The following CCDC175 variants were observed in gnomAD, a reference collection of about 807,000 sequenced individuals.
CCDC175 encodes coiled-coil domain containing 175, also known as coiled-coil domain-containing protein 175.
Under a neutral mutation model 114.6 loss-of-function variants are expected in CCDC175, and 100 were observed. The ratio of observed to expected loss-of-function variants is 0.87; its 90% CI spans 0.74 to 1.03. The LOEUF (loss-of-function observed/expected upper bound fraction) is 1.03. CCDC175 is among the 50% of genes least tolerant of loss of function. The pLI, the probability that CCDC175 is intolerant of heterozygous loss-of-function variation, is 0.00. For missense variants in CCDC175, 880 were observed against 917.8 expected (o/e 0.96, Z 0.53); for synonymous variants, 306 against 308.7 (o/e 0.99, Z 0.09).
chr14:59,530,652 A>C (rs1894015853), intron 14 of CCDC175, among the ~76,000 whole-genome samples: 2 of 152,160 alleles, frequency 1.3e-5, no homozygotes, highest in Non-Finnish European at 2.9e-5. Flanking sequence ...TATTATTATA[A>C]CATTCTTACA....
At position 59,565,094 on chromosome 14, in the gene CCDC175, T is replaced by C. The variant is rs1170511933; in HGVS notation, c.673A>G (p.Lys225Glu). 4.6e-6 allele frequency: 7 copies of C among 1,537,636 alleles called. No homozygotes were observed. Among genetic ancestry groups the C allele is most frequent in the Non-Finnish European group, 5.2e-6 (6 of 1,146,992 alleles). ...CTTATTAGATATTCTGCCCTTTCTT[T>C]TTCCATTAGCTCCTCTGCCTCTTGA... is the stretch of plus-strand genomic sequence containing the variant. ...CIQEAEELME[K>E]ERAEYLIRKQ... is the part of the protein sequence containing the mutation. The change falls in exon 5 of 20, where the codon AAA (lysine) becomes GAA (glutamate). Residue 225 changes from lysine to glutamate, a missense_variant. Physicochemically the swap from Lys to Glu is moderately conservative, Grantham distance 56. Coordinates refer to ENST00000537690, the MANE Select transcript of CCDC175 (RefSeq NM_001164399.2).
intron 16 of CCDC175, among the ~76,000 whole-genome samples, chr14:59,523,402 G>A (rs1440159841): frequency 6.6e-6 from 1 of 152,128 alleles, no homozygotes; most frequent in Non-Finnish European, 1.5e-5. Flanking sequence ...ACCCAGCGAG[G>A]TGAAGGATTT....
intron 7 of CCDC175, among the ~76,000 whole-genome samples, chr14:59,560,900 T>C (rs1218845690): frequency 1.3e-5 from 2 of 152,302 alleles, no homozygotes; most frequent in Non-Finnish European, 2.9e-5. Context: ...TTCCCCAAGC[T>C]GACAGCATCT....
At chr14:59,574,147 G>T (rs1235924966) in intron 2 of CCDC175, among the ~76,000 whole-genome samples, 1 of 152,144 alleles carries the variant, frequency 6.6e-6, no homozygotes, top group African/African-American at 2.4e-5. Context: ...TGATTATGTA[G>T]TATAGATATA....
intron 19 of CCDC175, chr14:59,510,398 A>C: frequency 2.8e-6 from 1 of 354,166 alleles, no homozygotes. Context: ...GTTTAAAATA[A>C]ACTTTTTAAA....
At chr14:59,536,328 C>T (rs1455942842) in intron 13 of CCDC175, among the ~76,000 whole-genome samples, 2 of 151,996 alleles carry the variant, frequency 1.3e-5, no homozygotes, top group African/African-American at 4.8e-5. Context: ...CTCTGACTAC[C>T]CCTATTTACA....
intron 17 of CCDC175, among the ~76,000 whole-genome samples, chr14:59,515,324 C>A (rs1237300521): frequency 1.3e-5 from 2 of 152,144 alleles, no homozygotes; most frequent in Non-Finnish European, 2.9e-5. Flanking sequence ...CAATATTAGC[C>A]TTAAATGTAA....
chr14:59,510,665 T>C lies in CCDC175; in HGVS notation c.2286A>G (p.Glu762=). Residue 762 remains glutamate (E), a synonymous_variant, in exon 19 of 20, where the codon GAA becomes GAG. Coordinates refer to ENST00000537690, the MANE Select transcript of CCDC175 (RefSeq NM_001164399.2). ...GCTTACTAAGAAGGTCCATTGGTGA[T>C]TCCTGTTCCACAAGCAAACGCAGCC... ...LEGLRLLVEQ[E]SPMDLLKKKK... The C allele has an allele frequency of 3.3e-6, 5 of 1,537,218 alleles. No homozygotes were observed. The highest frequency in any genetic ancestry group is 3.5e-6 in the Non-Finnish European group (4 of 1,146,854).
At chr14:59,532,010 G>A (rs771789919) in intron 13 of CCDC175, 100 bp from the exon 14 acceptor site, 5 of 630,444 alleles carry the variant, frequency 7.9e-6, no homozygotes, top group African/African-American at 3.7e-5. Flanking sequence ...AGTTTCATCT[G>A]TCTTGGTCTC....
chr14:59,568,376 A>G lies in CCDC175; in HGVS notation c.360T>C (p.Cys120=), dbSNP rs1229123169. The part of the protein sequence containing the change: ...PNSIKRELEE[C]VRDARRLNLF... ...GATTTAATCTGCGAGCGTCTCGGACACATTCTTCAAAGTAAGTGGAAATAT... is the reference window on the plus strand; with the variant it reads ...GATTTAATCTGCGAGCGTCTCGGACGCATTCTTCAAAGTAAGTGGAAATAT... Residue 120 remains cysteine (C), a synonymous_variant, in exon 4 of 20, where the codon TGT becomes TGC. Transcript: ENST00000537690. 2.0e-6 allele frequency: 3 copies of G among 1,509,434 alleles called. No homozygotes were observed. Among genetic ancestry groups the G allele is most frequent in the Non-Finnish European group, 2.6e-6 (3 of 1,137,894 alleles). 93.5% of individuals were successfully genotyped at this position (1,509,434 alleles called of 1,614,324 possible). A position where few individuals can be genotyped will look rare whatever the true frequency, so the allele number is the denominator to read the frequency against.
At chr14:59,518,311 A>G (rs1323499259) in intron 17 of CCDC175, among the ~76,000 whole-genome samples, 2 of 152,232 alleles carry the variant, frequency 1.3e-5, no homozygotes, top group Non-Finnish European at 2.9e-5. Flanking sequence ...AAAAGCCAAA[A>G]TTGACAAATG....
At chr14:59,556,964 C>A (rs1195235262) in intron 7 of CCDC175, among the ~76,000 whole-genome samples, 5 of 152,238 alleles carry the variant, frequency 3.3e-5, no homozygotes, top group African/African-American at 4.8e-5. Flanking sequence ...AGTCAGGAAA[C>A]AACAGGTGCT....
In CCDC175 at chr14:59,543,396, C is replaced by T. The variant is rs1696492972; in HGVS notation, c.1231G>A (p.Val411Ile). 1.3e-6 allele frequency: 2 copies of T among 1,483,348 alleles called. No individual in the cohort carries two copies. The highest frequency in any genetic ancestry group is 1.8e-6 in the Non-Finnish European group (2 of 1,114,386). The allele number at this position is 1,483,348 out of a possible 1,614,324, so 91.9% of individuals were successfully genotyped here. A position where few individuals can be genotyped will look rare whatever the true frequency, so the allele number is the denominator to read the frequency against. Residue 411 changes from valine to isoleucine, a missense_variant, in exon 10 of 20, where the codon GTA (valine) becomes ATA (isoleucine). By Grantham distance (29) the Val-to-Ile change is conservative. Coordinates refer to ENST00000537690, the MANE Select transcript of CCDC175 (RefSeq NM_001164399.2). ...CCTTCTTCCATATTTTTGATGTCTA[C>T]TCTCTTTTGTGACAGAAAGTATTCT... ...QKEYFLSQKR[V>I]DIKNMEEGLI...
intron 5 of CCDC175, 50 bp downstream of exon 5, chr14:59,564,997 T>C (rs1223975563): frequency 1.5e-6 from 2 of 1,304,010 alleles, no homozygotes; most frequent in Non-Finnish European, 1.0e-6. Context: ...CATTTCCTGC[T>C]CCAGATTCTA....
chr14:59,544,532 C>T (rs190329830), intron 9 of CCDC175, among the ~76,000 whole-genome samples: 2 of 152,234 alleles, frequency 1.3e-5, no homozygotes, highest in East Asian at 3.9e-4. Flanking sequence ...GTGCCTCCCC[C>T]ATCTCCAGAA....
At chr14:59,515,758 T>C (rs964870761) in intron 17 of CCDC175, among the ~76,000 whole-genome samples, 12 of 152,110 alleles carry the variant, frequency 7.9e-5, no homozygotes, top group Admixed American at 7.2e-4. Flanking sequence ...GACAGATCAA[T>C]GAGACAGAAA....
At chr14:59,561,069 A>G in intron 7 of CCDC175, 50 bp downstream of exon 7, 1 of 906,334 alleles carries the variant, frequency 1.1e-6, no homozygotes, top group Non-Finnish European at 1.7e-6. Context: ...ATATTATATC[A>G]TATTAACATA....
intron 19 of CCDC175, chr14:59,505,549 T>C (rs962094414): frequency 1.1e-4 from 33 of 301,076 alleles, no homozygotes; most frequent in Non-Finnish European, 1.6e-4. Context: ...AGCAGAAAAG[T>C]ATATATGCAA....
chr14:59,532,824 A>G (rs2140010219), intron 13 of CCDC175, among the ~76,000 whole-genome samples: 1 of 152,346 alleles, frequency 6.6e-6, no homozygotes, highest in African/African-American at 2.4e-5. Flanking sequence ...GGACTGGGAA[A>G]GAGAAACAAA....
Sources: allele counts gnomAD v4.1 joint callset (sites outside exome capture counted in the v4.1 genomes callset), GRCh38; gene constraint gnomAD v4.1.1; transcripts MANE v1.5; gene names NCBI Gene and HGNC (gene_info 2026-07-23, HGNC 2026-07-21).